The following ST18 variants were observed in gnomAD, a reference collection of about 807,000 sequenced individuals.
The protein encoded by ST18 is suppression of tumorigenicity 18 protein.
In ST18, 50 loss-of-function variants were observed where a neutral mutation model predicts 110.0. That is an observed-to-expected ratio of 0.45 (90% CI 0.36 to 0.58). ST18 has a LOEUF of 0.58. Ranked by LOEUF, ST18 falls within the 20% of genes least tolerant of loss-of-function variation. The pLI, the probability that ST18 is intolerant of heterozygous loss-of-function variation, is 0.00. For missense variants in ST18, 1,306 were observed against 1,280.1 expected (o/e 1.02, Z -0.31); for synonymous variants, 461 against 452.4 (o/e 1.02, Z -0.24).
chr8:52,117,714 A>G (rs1360789813), intron 24 of ST18, among the ~76,000 whole-genome samples: 3 of 152,184 alleles, frequency 2.0e-5, no homozygotes, highest in African/African-American at 7.2e-5. Flanking sequence ...AGAAGAGGAG[A>G]GAAGGGAAGG....
rs1176479256 is a variant in ST18, at chr8:52,409,316, AT to A, written c.-465+11del. On this transcript the variant is annotated intron_variant, in intron 2 of 25. Coordinates refer to ENST00000689386, the MANE Select transcript of ST18 (RefSeq NM_001352837.2). The stretch of plus-strand genomic sequence containing the variant: ...AAATAACTTAAATGCATTTTACAAT[AT>A]TTTTTCTTACCTTTACCTGGCGAAC... The A allele has an allele frequency of 2.0e-5, 3 of 152,076 alleles. No homozygotes were observed. Among genetic ancestry groups the A allele is most frequent in the Non-Finnish European group, 4.4e-5 (3 of 68,020 alleles). The allele number at this position is 152,076 out of a possible 1,614,324, so 9.4% of individuals were successfully genotyped here. A position where few individuals can be genotyped will look rare whatever the true frequency, so the allele number is the denominator to read the frequency against.
intron 8 of ST18, among the ~76,000 whole-genome samples, chr8:52,185,869 G>T (rs750840385): frequency 1.3e-5 from 2 of 152,094 alleles, no homozygotes; most frequent in Admixed American, 6.6e-5. Context: ...CACGACCTTG[G>T]GGTAGGCAAA....
intron 6 of ST18, among the ~76,000 whole-genome samples, chr8:52,215,477 G>C (rs1336782186): frequency 6.6e-6 from 1 of 152,134 alleles, no homozygotes; most frequent in Non-Finnish European, 1.5e-5. Flanking sequence ...CAACACTACA[G>C]ACAAAATTAA....
At chr8:52,182,896 T>C (rs1297200422) in intron 8 of ST18, among the ~76,000 whole-genome samples, 4 of 152,112 alleles carry the variant, frequency 2.6e-5, no homozygotes, top group African/African-American at 9.7e-5. Context: ...ATAAAAAAAT[T>C]GGTCATTAAA....
In ST18 at chr8:52,172,088, TCTTTC is replaced by T; in HGVS notation, c.768_772del (p.Lys257ProfsTer19). On this transcript the variant is annotated frameshift_variant, in exon 10 of 26. Transcript: ENST00000689386. LOFTEE classifies it high-confidence loss of function. ...GGGTTCTGCGAGAGCATTCTGCGGG[TCTTTC>T]CTTTCTGTTTCAGAATCACACCTGT... The T allele has an allele frequency of 6.2e-7, 1 of 1,614,210 alleles. No individual in the cohort carries two copies. Among genetic ancestry groups the T allele is most frequent in the Non-Finnish European group, 8.5e-7 (1 of 1,180,044 alleles).
At chr8:52,151,613 G>T (rs970998524) in intron 15 of ST18, among the ~76,000 whole-genome samples, 1 of 152,104 alleles carries the variant, frequency 6.6e-6, no homozygotes, top group East Asian at 1.9e-4. Context: ...TGCCACGTGT[G>T]CTCTCTCTCC....
At chr8:52,340,502 T>C (rs1814425666) in intron 2 of ST18, among the ~76,000 whole-genome samples, 1 of 152,212 alleles carries the variant, frequency 6.6e-6, no homozygotes, top group Admixed American at 6.5e-5. Flanking sequence ...AGAGCCACAT[T>C]TTAATGTTTC....
intron 8 of ST18, chr8:52,210,195 C>G (rs2081672388): frequency 2.2e-6 from 1 of 455,644 alleles, no homozygotes; most frequent in African/African-American, 2.0e-5. Flanking sequence ...TTTTAAACTT[C>G]TCTTGACTAT....
intron 8 of ST18, 144 bp downstream of exon 8, chr8:52,211,935 G>A: frequency 4.0e-6 from 3 of 755,590 alleles, no homozygotes; most frequent in East Asian, 5.1e-5. Context: ...CGCCTTCTTG[G>A]TGCATACACA....
At chr8:52,300,757 A>G (rs1464370238) in intron 2 of ST18, among the ~76,000 whole-genome samples, 1 of 152,228 alleles carries the variant, frequency 6.6e-6, no homozygotes. Flanking sequence ...ATGCTAGAAG[A>G]GCAGAGTTGA....
intron 10 of ST18, among the ~76,000 whole-genome samples, chr8:52,170,560 G>C (rs1046698545): frequency 6.6e-6 from 1 of 151,806 alleles, no homozygotes; most frequent in African/African-American, 2.4e-5. Context: ...TGTGGATTTC[G>C]GGAATTTTGA....
chr8:52,215,388 A>G (rs1161289032), intron 6 of ST18, among the ~76,000 whole-genome samples: 2 of 152,234 alleles, frequency 1.3e-5, no homozygotes, highest in African/African-American at 4.8e-5. Context: ...TATTGAGACA[A>G]ACAACTCCAG....
At chr8:52,255,172 A>G (rs1589359887) in intron 2 of ST18, among the ~76,000 whole-genome samples, 1 of 152,280 alleles carries the variant, frequency 6.6e-6, no homozygotes, top group Non-Finnish European at 1.5e-5. Context: ...AGTGGCACAC[A>G]GAATGGTCTC....
intron 8 of ST18, among the ~76,000 whole-genome samples, chr8:52,210,914 G>A (rs550864592): frequency 2.0e-5 from 3 of 152,280 alleles, no homozygotes; most frequent in South Asian, 2.1e-4. Context: ...GTTGCCTGGA[G>A]AAAGAACTGT....
intron 2 of ST18, among the ~76,000 whole-genome samples, chr8:52,230,699 C>A: frequency 6.6e-6 from 1 of 152,056 alleles, no homozygotes; most frequent in East Asian, 1.9e-4. Context: ...CATGTGTTTC[C>A]ACGCTAAAAA....
intron 8 of ST18, among the ~76,000 whole-genome samples, chr8:52,193,430 C>T (rs2135025846): frequency 6.6e-6 from 1 of 152,332 alleles, no homozygotes; most frequent in Middle Eastern, 3.4e-3. Context: ...AGCCCATATT[C>T]ACACTTGCCT....
At position 52,156,682 on chromosome 8, in the gene ST18, T is replaced by C. The variant is rs558661441; in HGVS notation, c.1806+2216A>G. Reference sequence around the variant, plus strand: ...GAGATTCTCTTCAACATTAAGAAAATAAGGTCCAACCAGGACAGAATTCTA... The same window carrying C: ...GAGATTCTCTTCAACATTAAGAAAACAAGGTCCAACCAGGACAGAATTCTA... On this transcript the variant is annotated intron_variant, in intron 15 of 25. Transcript: ENST00000689386. 3.3e-4 allele frequency among the ~76,000 whole-genome samples: 50 copies of C among 152,224 alleles called. 1 individual carries two copies. The highest frequency in any genetic ancestry group is 2.5e-3 in the South Asian group (12 of 4,820).
intron 2 of ST18, among the ~76,000 whole-genome samples, chr8:52,386,237 CAATTTTAAAGTAAATTTTTAAA>C (rs1305794744): frequency 6.6e-6 from 1 of 152,024 alleles, no homozygotes; most frequent in Non-Finnish European, 1.5e-5. Context: ...TTATATTATA[CAATTTTAAAGTAAATTTTTAAA>C]AATTTTAAAG....
chr8:52,320,448 T>C (rs181493376), intron 2 of ST18, among the ~76,000 whole-genome samples: 3 of 152,286 alleles, frequency 2.0e-5, no homozygotes, highest in African/African-American at 4.8e-5. Context: ...TGGGAGAAGA[T>C]CCATGTAAAA....
Sources: allele counts gnomAD v4.1 joint callset (sites outside exome capture counted in the v4.1 genomes callset), GRCh38; gene constraint gnomAD v4.1.1; transcripts MANE v1.5; gene names NCBI Gene and HGNC (gene_info 2026-07-23, HGNC 2026-07-21).